The following COBL variants were observed in gnomAD, a reference collection of about 807,000 sequenced individuals.
The protein encoded by COBL is cordon-bleu WH2 repeat protein, also known as protein cordon-bleu.
In COBL, 51 loss-of-function variants were observed where a neutral mutation model predicts 98.8. The observed-to-expected ratio is 0.52, with a 90% CI of 0.41 to 0.65. The LOEUF (loss-of-function observed/expected upper bound fraction) is 0.65, where lower values mean the gene tolerates loss of function less well. Among genes scored for constraint, COBL ranks in the 30% least tolerant of loss-of-function variants. COBL has a pLI of 0.00. For synonymous variants in COBL, 634 were observed against 651.7 expected (o/e 0.97, Z 0.41); for missense variants, 1,617 against 1,617.5 (o/e 1.00, Z 0.01).
At chr7:51,298,383 T>C (rs1801613280) in intron 1 of COBL, among the ~76,000 whole-genome samples, 1 of 152,248 alleles carries the variant, frequency 6.6e-6, no homozygotes, top group African/African-American at 2.4e-5. Flanking sequence ...GTCACCTTTG[T>C]TGTCAGGGCA....
chr7:51,092,808 G>GA (rs1211216239), intron 6 of COBL, among the ~76,000 whole-genome samples: 1 of 151,914 alleles, frequency 6.6e-6, no homozygotes, highest in African/African-American at 2.4e-5. Context: ...CTATTTCTTT[G>GA]AAAAAAGACA....
chr7:51,036,819 G>A (rs1788693581), intron 8 of COBL, among the ~76,000 whole-genome samples: 1 of 152,148 alleles, frequency 6.6e-6, no homozygotes, highest in Admixed American at 6.6e-5. Context: ...AAAAGAAAAA[G>A]CCTGACACCC....
chr7:51,055,219 C>T (rs938919832), intron 7 of COBL, among the ~76,000 whole-genome samples: 3 of 152,144 alleles, frequency 2.0e-5, no homozygotes, highest in Non-Finnish European at 4.4e-5. Context: ...GGGGCCCCAG[C>T]GCGCATCCTT....
intron 1 of COBL, among the ~76,000 whole-genome samples, chr7:51,309,865 T>C (rs76861185): frequency 0.037 from 5,665 of 152,192 alleles, 285 homozygotes; most frequent in African/African-American, 0.11. Flanking sequence ...CATAATCCCA[T>C]AGGAGGTTTT....
At chr7:51,155,865 C>T (rs941849077) in intron 5 of COBL, among the ~76,000 whole-genome samples, 3 of 152,056 alleles carry the variant, frequency 2.0e-5, no homozygotes, top group East Asian at 1.9e-4. Flanking sequence ...ATGGTTCTTA[C>T]GGAAGGGAGC....
chr7:51,288,957 A>C (rs751926962), intron 1 of COBL, among the ~76,000 whole-genome samples: 3 of 152,132 alleles, frequency 2.0e-5, no homozygotes, highest in African/African-American at 7.2e-5. Flanking sequence ...TAAAACTGTA[A>C]AGAACAATAT....
intron 5 of COBL, among the ~76,000 whole-genome samples, chr7:51,171,034 C>T (rs762788219): frequency 1.3e-5 from 2 of 151,968 alleles, no homozygotes; most frequent in Non-Finnish European, 2.9e-5. Flanking sequence ...TAAATATGTA[C>T]AATGATTATG....
At position 51,037,114 on chromosome 7, in the gene COBL, CAT is replaced by C. The variant is rs770906950; in HGVS notation, c.1407-6207_1407-6206del. Among the ~76,000 whole-genome samples, 18 of 152,216 alleles carry C rather than the reference CAT, an allele frequency of 1.2e-4. No homozygotes were observed. In the South Asian group the frequency reaches 3.5e-3, roughly 30 times the overall value. ...ATACATGCACATATACGCATGCACACATATATATGTGTCTATTTATCTATTTT... is the reference window on the plus strand; with the variant it reads ...ATACATGCACATATACGCATGCACACATATATGTGTCTATTTATCTATTTT... On this transcript the variant is annotated intron_variant, in intron 8 of 12. Coordinates refer to ENST00000265136, the MANE Select transcript of COBL (RefSeq NM_015198.5).
intron 7 of COBL, among the ~76,000 whole-genome samples, chr7:51,056,407 A>T (rs1247114666): frequency 6.6e-6 from 1 of 151,912 alleles, no homozygotes; most frequent in Admixed American, 6.6e-5. Flanking sequence ...CTGTATCGTC[A>T]CCGGGGGAAA....
chr7:51,024,265 C>T (rs1173832030), intron 12 of COBL, among the ~76,000 whole-genome samples: 2 of 151,812 alleles, frequency 1.3e-5, no homozygotes, highest in Admixed American at 6.6e-5. Flanking sequence ...GCCGAGATCG[C>T]GTCACTGCAC....
At chr7:51,073,362 T>G in intron 7 of COBL, 1 of 696,254 alleles carries the variant, frequency 1.4e-6, no homozygotes, top group Admixed American at 2.0e-5. Context: ...TTGGCCTGAG[T>G]AGGGAATGAC....
At chr7:51,103,237 T>G (rs982184533) in intron 6 of COBL, among the ~76,000 whole-genome samples, 11 of 152,198 alleles carry the variant, frequency 7.2e-5, no homozygotes, top group African/African-American at 2.4e-4. Context: ...TTTAAAAATT[T>G]ACATTTTTTC....
intron 5 of COBL, among the ~76,000 whole-genome samples, chr7:51,160,443 C>T (rs1466015066): frequency 6.6e-6 from 1 of 152,118 alleles, no homozygotes; most frequent in Non-Finnish European, 1.5e-5. Flanking sequence ...TTGCAGGTGT[C>T]TTTCATAAAG....
At chr7:51,259,732 C>T (rs11489761) in intron 1 of COBL, 2 of 742,980 alleles carry the variant, frequency 2.7e-6, no homozygotes, top group Non-Finnish European at 4.9e-6. Context: ...CCCAGGCAGA[C>T]TTCAGATGTG....
At chr7:51,287,738 T>C (rs1800507845) in intron 1 of COBL, among the ~76,000 whole-genome samples, 1 of 152,076 alleles carries the variant, frequency 6.6e-6, no homozygotes, top group Non-Finnish European at 1.5e-5. Flanking sequence ...AACCCAGATG[T>C]CCTGCAATGG....
chr7:51,186,913 C>T (rs1009178461), intron 4 of COBL, among the ~76,000 whole-genome samples: 1 of 152,196 alleles, frequency 6.6e-6, no homozygotes, highest in African/African-American at 2.4e-5. Context: ...ACAACTGATG[C>T]ATAGCCAGCC....
intron 1 of COBL, among the ~76,000 whole-genome samples, chr7:51,284,233 A>G (rs546929275): frequency 6.6e-6 from 1 of 151,350 alleles, no homozygotes; most frequent in Non-Finnish European, 1.5e-5. Flanking sequence ...CCTGGGAGGC[A>G]GAGCTTGCAG....
chr7:51,066,866 CG>C (rs1467549701), intron 7 of COBL, among the ~76,000 whole-genome samples: 6 of 152,148 alleles, frequency 3.9e-5, no homozygotes, highest in Non-Finnish European at 8.8e-5. Flanking sequence ...AGGGCAGAGA[CG>C]AAAGATGAGG....
chr7:51,067,402 T>C (rs1008852023), intron 7 of COBL, among the ~76,000 whole-genome samples: 9 of 152,268 alleles, frequency 5.9e-5, no homozygotes, highest in African/African-American at 1.7e-4. Flanking sequence ...TGTGTATGTA[T>C]GCATAGATGT....
Sources: gnomAD v4.1 joint callset for allele counts (sites outside exome capture counted in the v4.1 genomes callset) on GRCh38, gnomAD v4.1.1 for gene constraint, MANE v1.5 for transcripts, NCBI Gene and HGNC (gene_info 2026-07-23, HGNC 2026-07-21) for gene names.